IL1RAPL1: variants seen among roughly 807,000 people sequenced by gnomAD.
IL1RAPL1 encodes the protein interleukin-1 receptor accessory protein-like 1.
In IL1RAPL1, 3 loss-of-function variants were observed where a neutral mutation model predicts 48.4. That is an observed-to-expected ratio of 0.06 (90% CI 0.03 to 0.16). The LOEUF is 0.16. IL1RAPL1 is among the 10% of genes least tolerant of loss of function. IL1RAPL1 has a pLI of 1.00. For synonymous variants in IL1RAPL1, 185 were observed against 187.7 expected (o/e 0.99, Z 0.12); for missense variants, 349 against 530.6 (o/e 0.66, Z 3.36).
intron 6 of IL1RAPL1, among the ~76,000 whole-genome samples, chrX:29,692,002 A>C: frequency 8.9e-6 from 1 of 112,474 alleles, no homozygotes; most frequent in East Asian, 2.8e-4. Context: ...TGTGTTTTGT[A>C]TTTCATTTAC....
chrX:28,863,108 G>A (rs1271068658), intron 2 of IL1RAPL1, among the ~76,000 whole-genome samples: 17 of 111,182 alleles, frequency 1.5e-4, no homozygotes, highest in East Asian at 2.8e-4. Context: ...TCGAACTCAC[G>A]ACCTCAGGTG....
At chrX:28,613,468 C>G (rs943486769) in intron 1 of IL1RAPL1, among the ~76,000 whole-genome samples, 2 of 113,003 alleles carry the variant, frequency 1.8e-5, no homozygotes, top group Non-Finnish European at 3.7e-5. Flanking sequence ...TTCAGAAGGA[C>G]GGCCTGAGGC....
chrX:29,763,467 A>C (rs761349598), intron 6 of IL1RAPL1, among the ~76,000 whole-genome samples: 17 of 111,259 alleles, frequency 1.5e-4, no homozygotes, highest in African/African-American at 5.2e-4. Flanking sequence ...TCAGAATGAA[A>C]ATACTCATAG....
At chrX:29,623,381 G>C (rs751400587) in intron 5 of IL1RAPL1, among the ~76,000 whole-genome samples, 1 of 111,855 alleles carries the variant, frequency 8.9e-6, no homozygotes, top group Non-Finnish European at 1.9e-5. Context: ...CATAGAATTG[G>C]CTCTGACCTC....
At chrX:29,662,066 A>G (rs942138866) in intron 5 of IL1RAPL1, among the ~76,000 whole-genome samples, 2 of 111,728 alleles carry the variant, frequency 1.8e-5, no homozygotes, top group African/African-American at 6.5e-5. Flanking sequence ...TCTCCAAAGC[A>G]TTCCTCTTAT....
intron 2 of IL1RAPL1, among the ~76,000 whole-genome samples, chrX:29,250,008 T>C (rs1215369861): frequency 1.8e-5 from 2 of 112,115 alleles, no homozygotes; most frequent in Non-Finnish European, 3.8e-5. Flanking sequence ...TCATTTTATA[T>C]ATCTCTTTAC....
intron 2 of IL1RAPL1, among the ~76,000 whole-genome samples, chrX:28,887,936 TG>T (rs1304279661): frequency 2.7e-5 from 3 of 111,470 alleles, no homozygotes; most frequent in Non-Finnish European, 5.6e-5. Flanking sequence ...CAACTAGCAA[TG>T]AAAAAATAAA....
chrX:29,084,908 G>A (rs1210587856), intron 2 of IL1RAPL1, among the ~76,000 whole-genome samples: 1 of 111,873 alleles, frequency 8.9e-6, no homozygotes, highest in African/African-American at 3.2e-5. Context: ...GGGCAGGCTG[G>A]TCCCGAACTC....
At chrX:29,703,812 T>C (rs1339730490) in intron 6 of IL1RAPL1, among the ~76,000 whole-genome samples, 1 of 112,178 alleles carries the variant, frequency 8.9e-6, no homozygotes, top group Non-Finnish European at 1.9e-5. Context: ...ACTCTAAATC[T>C]TGAGGGTCAT....
chrX:28,706,097 C>A (rs1935370914), intron 1 of IL1RAPL1, among the ~76,000 whole-genome samples: 1 of 111,848 alleles, frequency 8.9e-6, no homozygotes, highest in Non-Finnish European at 1.9e-5. Flanking sequence ...CAGTCAAGAG[C>A]CACATAAGGA....
At chrX:29,561,566 C>T (rs182620783) in intron 5 of IL1RAPL1, among the ~76,000 whole-genome samples, 1 of 111,947 alleles carries the variant, frequency 8.9e-6, no homozygotes, top group East Asian at 2.8e-4. Flanking sequence ...TCTTGGGCAA[C>T]ATTCTGACTA....
chrX:29,579,946 T>C (rs1045042944), intron 5 of IL1RAPL1, among the ~76,000 whole-genome samples: 8 of 111,523 alleles, frequency 7.2e-5, no homozygotes, highest in African/African-American at 2.6e-4. Flanking sequence ...ACAGATTTGC[T>C]CTCATGAATT....
intron 6 of IL1RAPL1, among the ~76,000 whole-genome samples, chrX:29,803,194 TACATATACAC>T (rs1208385049): frequency 0.03 from 919 of 30,767 alleles, 117 homozygotes; most frequent in African/African-American, 0.036. Context: ...TATATATGTA[TACATATACAC>T]ACATGTATAT....
At chrX:29,423,424 G>T (rs1934314645) in intron 5 of IL1RAPL1, among the ~76,000 whole-genome samples, 1 of 112,281 alleles carries the variant, frequency 8.9e-6, no homozygotes, top group Non-Finnish European at 1.9e-5. Context: ...CTTGGCAAAA[G>T]AAACTTCTAA....
intron 9 of IL1RAPL1, among the ~76,000 whole-genome samples, chrX:29,947,354 TCTGA>T (rs763574906): frequency 4.5e-5 from 5 of 111,380 alleles, no homozygotes; most frequent in African/African-American, 6.5e-5. Context: ...TTTTTCCTTC[TCTGA>T]CTATGAAGTA....
At chrX:29,797,703 T>C (rs1929776301) in intron 6 of IL1RAPL1, among the ~76,000 whole-genome samples, 1 of 110,318 alleles carries the variant, frequency 9.1e-6, no homozygotes, top group Non-Finnish European at 1.9e-5. Flanking sequence ...TGAAACCCTG[T>C]CTCTACCAAA....
intron 5 of IL1RAPL1, among the ~76,000 whole-genome samples, chrX:29,666,253 GTTGAA>G (rs1402734256): frequency 9.0e-6 from 1 of 110,992 alleles, no homozygotes; most frequent in Non-Finnish European, 1.9e-5. Context: ...ATATATATCA[GTTGAA>G]TTGAATTGGA....
chrX:29,187,744 G>A (rs1228181821), intron 2 of IL1RAPL1, among the ~76,000 whole-genome samples: 1 of 111,538 alleles, frequency 9.0e-6, no homozygotes, highest in Non-Finnish European at 1.9e-5. Context: ...TTAGGCACAT[G>A]GAACCAATCT....
intron 5 of IL1RAPL1, among the ~76,000 whole-genome samples, chrX:29,582,983 T>G (rs1450375884): frequency 2.4e-5 from 2 of 82,952 alleles, no homozygotes; most frequent in Admixed American, 2.8e-4. Flanking sequence ...ACTTCCACAA[T>G]GGTTGAACTA....
Sources: allele counts gnomAD v4.1 joint callset (sites outside exome capture counted in the v4.1 genomes callset), GRCh38; gene constraint gnomAD v4.1.1; transcripts MANE v1.5; gene names NCBI Gene and HGNC (gene_info 2026-07-23, HGNC 2026-07-21).